ZBED6: variants seen among roughly 807,000 people sequenced by gnomAD.
ZBED6 encodes the protein zinc finger BED-type containing 6.
A neutral mutation model predicts 58.4 loss-of-function variants in ZBED6; 40 were observed. The observed-to-expected ratio is 0.68, with a 90% CI of 0.53 to 0.89. ZBED6 has a LOEUF of 0.89. Ranked by LOEUF, ZBED6 falls within the 40% of genes least tolerant of loss-of-function variation. The probability of loss-of-function intolerance (pLI) is 0.00; values close to 1 mark genes in which losing one functional copy is unlikely to be tolerated. For missense variants in ZBED6, 1,057 were observed against 1,003.9 expected, an observed-to-expected ratio of 1.05 and a Z score of -0.71; for synonymous variants, 439 against 350.6, an observed-to-expected ratio of 1.25 and a Z score of -2.82.
At chr1:203,800,245 G>T in exon 1 of ZBED6, 1 of 1,205,864 alleles carries the variant, frequency 8.3e-7, no homozygotes, top group Non-Finnish European at 1.2e-6. Context: ...TATCTAAGTT[G>T]CCCCATGTGT....
rs188380611 is a variant in ZBED6, at chr1:203,845,457, T to C, written c.*3742-1727T>C. Among the ~76,000 whole-genome samples the C allele has an allele frequency of 3.8e-4, 58 of 152,334 alleles. No individual in the cohort carries two copies. The East Asian group carries it at 9.1e-3, about 24-fold the overall frequency. On this transcript the variant is annotated intron_variant, in intron 11 of 16. Transcript: ENST00000550078. ...ATTACAGGTACCTAAATACAGTCGT[T>C]GTTCTCATGAAGTCTTTAGTGTGGT...
At chr1:203,820,482 G>GTGTGTGTGTGTGTGTGTGTGTA (rs1266406820) in intron 3 of ZBED6, among the ~76,000 whole-genome samples, 2 of 151,852 alleles carry the variant, frequency 1.3e-5, no homozygotes, top group African/African-American at 2.4e-5. Context: ...GTGTGTGTGT[G>GTGTGTGTGTGTGTGTGTGTGTA]TATATTTTGA....
chr1:203,798,508 C>T, exon 1 of ZBED6: 1 of 1,536,122 alleles, frequency 6.5e-7, no homozygotes. Flanking sequence ...GGTGCTGTTG[C>T]AAATGGATTA....
chr1:203,815,272 T>C (rs1232623798), intron 1 of ZBED6, among the ~76,000 whole-genome samples: 2 of 140,040 alleles, frequency 1.4e-5, no homozygotes, highest in Non-Finnish European at 3.0e-5. Flanking sequence ...TGGAGTGCAG[T>C]GGCGCAATGT....
intron 1 of ZBED6, chr1:203,805,544 G>GT: frequency 1.8e-6 from 1 of 566,944 alleles, no homozygotes; most frequent in South Asian, 1.4e-5. Context: ...AAACGTATCT[G>GT]TTACGGTAAA....
chr1:203,833,761 G>C, intron 8 of ZBED6, 30 bp from the exon 9 acceptor site: 5 of 1,598,532 alleles, frequency 3.1e-6, no homozygotes, highest in Non-Finnish European at 4.3e-6. Flanking sequence ...ATTGACTAAG[G>C]ATAGAGAAAT....
At chr1:203,835,075 A>G (rs778189316) in intron 9 of ZBED6, among the ~76,000 whole-genome samples, 70 of 152,260 alleles carry the variant, frequency 4.6e-4, no homozygotes, top group Non-Finnish European at 9.0e-4. Flanking sequence ...CCCTATCTTC[A>G]GAACCGTTCT....
intron 11 of ZBED6, among the ~76,000 whole-genome samples, chr1:203,841,501 G>A (rs1179073692): frequency 2.6e-5 from 4 of 152,290 alleles, no homozygotes; most frequent in Non-Finnish European, 4.4e-5. Flanking sequence ...GCATCCCAAG[G>A]CAGAAGAATT....
chr1:203,851,150 C>A (rs1689153706), intron 16 of ZBED6, 26 bp downstream of exon 16: 1 of 1,609,026 alleles, frequency 6.2e-7, no homozygotes, highest in South Asian at 1.1e-5. Context: ...TCTTTCTAAA[C>A]AAACTCCAGG....
intron 7 of ZBED6, 82 bp from the exon 8 acceptor site, chr1:203,831,579 T>A (rs1682395074): frequency 8.6e-7 from 1 of 1,164,448 alleles, no homozygotes; most frequent in South Asian, 1.3e-5. Context: ...TGGACTTAAC[T>A]GGTTACAAAA....
chr1:203,848,502 CAT>C, intron 13 of ZBED6, 95 bp downstream of exon 13: 1 of 855,340 alleles, frequency 1.2e-6, no homozygotes, highest in Admixed American at 2.5e-5. Context: ...GTACTTCATT[CAT>C]ATATTAGGTA....
intron 16 of ZBED6, among the ~76,000 whole-genome samples, chr1:203,851,483 C>T (rs1689243775): frequency 6.6e-6 from 1 of 152,138 alleles, no homozygotes; most frequent in African/African-American, 2.4e-5. Context: ...GTGCCTGCCA[C>T]AAGGCCTAGC....
Position 203,796,983 on chromosome 1 carries a change from C to T in ZBED6, c.-540C>T, listed in dbSNP as rs1668743832. The T allele has an allele frequency of 6.5e-6, 1 of 153,174 alleles. No individual in the cohort carries two copies. The highest frequency in any genetic ancestry group is 6.5e-5 in the Admixed American group (1 of 15,308). 9.5% of individuals were successfully genotyped at this position (153,174 alleles called of 1,614,324 possible). A position where few individuals can be genotyped will look rare whatever the true frequency, so the allele number is the denominator to read the frequency against. The stretch of plus-strand genomic sequence containing the variant: ...CTTTTTGGGTTGTATTGGCAAATCA[C>T]AGTCCTAAATGATGAATGTTGAATG... On this transcript the variant is annotated 5_prime_UTR_variant, in exon 1 of 17. It introduces an in-frame stop codon into an upstream open reading frame of the 5' UTR. Transcript: ENST00000550078.
intron 3 of ZBED6, among the ~76,000 whole-genome samples, chr1:203,827,507 C>CT (rs1680934436): frequency 6.6e-6 from 1 of 151,866 alleles, no homozygotes; most frequent in Admixed American, 6.6e-5. Flanking sequence ...GGTAAAACCT[C>CT]TTATCTACTA....
At chr1:203,798,987 C>T in exon 1 of ZBED6, 1 of 1,536,138 alleles carries the variant, frequency 6.5e-7, no homozygotes, top group Non-Finnish European at 8.7e-7. Flanking sequence ...CATATGGACC[C>T]ATGACCCATC....
chr1:203,849,923 T>C, exon 14 of ZBED6: 1 of 1,614,068 alleles, frequency 6.2e-7, no homozygotes, highest in Non-Finnish European at 8.5e-7. Flanking sequence ...CCAAGCGGCT[T>C]CCCACAAAGT....
At chr1:203,827,800 C>CT (rs1167137929) in intron 3 of ZBED6, among the ~76,000 whole-genome samples, 1 of 152,124 alleles carries the variant, frequency 6.6e-6, no homozygotes, top group Admixed American at 6.5e-5. Flanking sequence ...CCCTTGAACT[C>CT]TCAGCTTCAA....
exon 1 of ZBED6, chr1:203,802,450 C>T (rs1670811328): frequency 6.6e-6 from 1 of 152,040 alleles, no homozygotes; most frequent in African/African-American, 2.4e-5. Context: ...GTGTATAAGC[C>T]AGTTAGTATA....
At chr1:203,834,047 T>G in intron 9 of ZBED6, 194 bp downstream of exon 9, 1 of 1,252,108 alleles carries the variant, frequency 8.0e-7, no homozygotes, top group Non-Finnish European at 1.0e-6. Flanking sequence ...AGTGTTACAA[T>G]TGAACTAGAT....
Sources: allele counts gnomAD v4.1 joint callset (sites outside exome capture counted in the v4.1 genomes callset), GRCh38; gene constraint gnomAD v4.1.1; transcripts MANE v1.5; gene names NCBI Gene and HGNC (gene_info 2026-07-23, HGNC 2026-07-21).